Variants in PIEZO1 observed in about 807,000 individuals in gnomAD.
PIEZO1 encodes the protein piezo type mechanosensitive ion channel component 1 (Er blood group).
A neutral mutation model predicts 297.2 loss-of-function variants in PIEZO1; 296 were observed. That is an observed-to-expected ratio of 1.00 (90% CI 0.91 to 1.10). PIEZO1 has a LOEUF of 1.10. Ranked by LOEUF, PIEZO1 falls within the 50% of genes least tolerant of loss-of-function variation. The pLI, the probability that PIEZO1 is intolerant of heterozygous loss-of-function variation, is 0.00. For synonymous variants in PIEZO1, 2,427 were observed against 1,507.5 expected (o/e 1.61, Z -14.13); for missense variants, 5,018 against 3,455.5 (o/e 1.45, Z -11.34).
At position 88,767,969 on chromosome 16, in the gene PIEZO1, C is replaced by T. The variant is rs148248177; in HGVS notation, c.64+16932G>A. On this transcript the variant is annotated intron_variant, in intron 1 of 50. Coordinates refer to ENST00000301015, the MANE Select transcript of PIEZO1 (RefSeq NM_001142864.4). ...GCACATGCTTCTCCCGCTCCCTCCCCCGGGTCCAGACCCCAGGTCCCTGAG... is the reference window on the plus strand; with the variant it reads ...GCACATGCTTCTCCCGCTCCCTCCCTCGGGTCCAGACCCCAGGTCCCTGAG... 7.4e-3 allele frequency among the ~76,000 whole-genome samples: 1,120 copies of T among 152,354 alleles called. 9 individuals carry two copies. The highest frequency in any genetic ancestry group is 0.028 in the South Asian group (134 of 4,834).
In PIEZO1 at chr16:88,720,080, G is replaced by A. The variant is rs1309194763; in HGVS notation, c.6153C>T (p.Ala2051=). 1.0e-5 allele frequency: 16 copies of A among 1,550,324 alleles called. No individual in the cohort carries two copies. The highest frequency in any genetic ancestry group is 4.9e-5 in the East Asian group (2 of 40,922). The part of the protein sequence containing the change: ...IHLWMFFILP[A]VTERMFNQNV... ...ACGCGTGGGCCCACCTCTCAGTGAC[G>A]GCGGGCAGGATGAAGAACATCCATA... Residue 2051 remains alanine (A), a synonymous_variant, in exon 42 of 51, where the codon GCC becomes GCT. Coordinates refer to ENST00000301015, the MANE Select transcript of PIEZO1 (RefSeq NM_001142864.4).
intron 1 of PIEZO1, among the ~76,000 whole-genome samples, chr16:88,769,344 C>T (rs567705048): frequency 6.6e-6 from 1 of 152,216 alleles, no homozygotes; most frequent in African/African-American, 2.4e-5. Context: ...GAGGCCACCA[C>T]GCCCAGAGCA....
At chr16:88,754,745 C>T (rs947653579) in intron 1 of PIEZO1, among the ~76,000 whole-genome samples, 5 of 152,242 alleles carry the variant, frequency 3.3e-5, no homozygotes, top group African/African-American at 1.2e-4. Context: ...TGTGACCCCA[C>T]ACTGCCGGGG....
chr16:88,740,041 C>T (rs941314386), intron 5 of PIEZO1: 1 of 152,146 alleles, frequency 6.6e-6, no homozygotes, highest in Admixed American at 6.5e-5. Context: ...GTGAGGCCAC[C>T]GAGGGGCAGG....
rs375353698 is a variant in PIEZO1, at chr16:88,733,672, G to A, written c.2403C>T (p.Arg801=). The A allele has an allele frequency of 3.3e-5, 51 of 1,549,588 alleles. No individual in the cohort carries two copies. The Middle Eastern group carries it at 5.0e-4, about 15-fold the overall frequency. ...GCAGCCGCCGCAGGAACACCTGCAC[G>A]CGTGAGAGGACGTCCGAGAAGCCGG... ...LAAGFSDVLS[R]VQVFLRRLLE... is the part of the protein sequence containing the mutation. Residue 801 remains arginine, a synonymous_variant, in exon 18 of 51, where the codon CGC becomes CGT. Coordinates refer to ENST00000301015, the MANE Select transcript of PIEZO1 (RefSeq NM_001142864.4).
In PIEZO1 at chr16:88,736,423, G is replaced by A. The variant is rs111454915; in HGVS notation, c.1297-15C>T. ...ATGCTCCATACCTGCGCGGCAGAGA[G>A]GGCTGCACAGCTGCCCAGCGCACCC... On this transcript the variant is annotated splice_polypyrimidine_tract_variant and intron_variant, in intron 11 of 50. Transcript: ENST00000301015. The A allele has an allele frequency of 6.5e-6, 10 of 1,532,574 alleles. No individual in the cohort carries two copies. Among genetic ancestry groups the A allele is most frequent in the Middle Eastern group, 2.1e-4 (1 of 4,662 alleles). The allele number at this position is 1,532,574 out of a possible 1,614,324, so 94.9% of individuals were successfully genotyped here. A position where few individuals can be genotyped will look rare whatever the true frequency, so the allele number is the denominator to read the frequency against.
intron 1 of PIEZO1, among the ~76,000 whole-genome samples, chr16:88,759,607 G>A (rs1001731833): frequency 1.2e-4 from 19 of 152,232 alleles, no homozygotes; most frequent in African/African-American, 4.6e-4. Context: ...GCTCTGCCCT[G>A]CTCTGCAAGG....
At position 88,734,793 on chromosome 16, in the gene PIEZO1, G is replaced by C; in HGVS notation, c.1854C>G (p.Tyr618Ter). 1 of 1,550,316 alleles carries C rather than the reference G, an allele frequency of 6.5e-7. No individual in the cohort carries two copies. Among genetic ancestry groups the C allele is most frequent in the Non-Finnish European group, 8.7e-7 (1 of 1,146,926 alleles). ...TGAGCAGCTTCCGCCACAGGCTGTA[G>C]TAGACCTGCCGGGTGAGGTGGGGGT... is the stretch of plus-strand genomic sequence containing the variant. ...FLLCLTLFQV[Y>*]YSLWRKLLKA... The change falls in exon 15 of 51, where the codon TAC (tyrosine) becomes TAG (stop). Residue 618 changes from tyrosine (Y) to a stop codon, truncating the protein, a stop_gained. Transcript: ENST00000301015. LOFTEE classifies it high-confidence loss of function.
chr16:88,731,638 G>A (rs1304075554), intron 22 of PIEZO1, 68 bp downstream of exon 22: 43 of 1,275,372 alleles, frequency 3.4e-5, no homozygotes, highest in East Asian at 1.0e-4. Context: ...TGGGGCAGGC[G>A]GGAAACACCC....
intron 22 of PIEZO1, among the ~76,000 whole-genome samples, chr16:88,730,022 C>G (rs1212880126): frequency 6.6e-6 from 1 of 152,254 alleles, no homozygotes; most frequent in Non-Finnish European, 1.5e-5. Context: ...GGGAGCTGGC[C>G]TAGGTGACGC....
At position 88,715,669 on chromosome 16, in the gene PIEZO1, G is replaced by A. The variant is rs1037374997; in HGVS notation, c.7502C>T (p.Ala2501Val). 5.8e-6 allele frequency: 9 copies of A among 1,550,330 alleles called. No individual in the cohort carries two copies. The highest frequency in any genetic ancestry group is 2.4e-5 in the East Asian group (1 of 40,924). Reference protein sequence around the residue: ...RELELEEELYAKLIFLYRSPE... With the variant: ...RELELEEELYVKLIFLYRSPE... Reference sequence around the variant, plus strand: ...TGAGCGGTAGAGGAAGATGAGCTTGGCGTACAACTCCTCCTCCAGCTCCAG... The same window carrying A: ...TGAGCGGTAGAGGAAGATGAGCTTGACGTACAACTCCTCCTCCAGCTCCAG... The change falls in exon 51 of 51, where the codon GCC (alanine) becomes GTC (valine). Residue 2501 changes from alanine to valine, a missense_variant. Physicochemically the swap from Ala to Val is moderately conservative, Grantham distance 64. Coordinates refer to ENST00000301015, the MANE Select transcript of PIEZO1 (RefSeq NM_001142864.4).
At chr16:88,729,875 C>G (rs1904684166) in intron 22 of PIEZO1, among the ~76,000 whole-genome samples, 1 of 152,044 alleles carries the variant, frequency 6.6e-6, no homozygotes, top group African/African-American at 2.4e-5. Flanking sequence ...ACATGCTGAA[C>G]CCACAGCCCC....
chr16:88,731,855 G>C lies in PIEZO1; in HGVS notation c.3047C>G (p.Thr1016Ser), dbSNP rs1301028584. The C allele has an allele frequency of 1.4e-6, 2 of 1,429,314 alleles. No homozygotes were observed. Among genetic ancestry groups the C allele is most frequent in the African/African-American group, 4.0e-5 (2 of 49,482 alleles). 88.5% of individuals were successfully genotyped at this position (1,429,314 alleles called of 1,614,324 possible). Residue 1016 changes from threonine (T) to serine (S), a missense_variant, in exon 22 of 51, where the codon ACC (threonine) becomes AGC (serine). By Grantham distance (58) the Thr-to-Ser change is moderately conservative (BLOSUM62 1). Coordinates refer to ENST00000301015, the MANE Select transcript of PIEZO1 (RefSeq NM_001142864.4). ...VIGQRMNFLV[T>S]LHGCWLVAIL... ...GGCCACCAGCCAGCAACCGTGCAGGGTCACCAGAAAGTTCATGCGCTGCCC... is the reference window on the plus strand; with the variant it reads ...GGCCACCAGCCAGCAACCGTGCAGGCTCACCAGAAAGTTCATGCGCTGCCC...
chr16:88,760,850 A>G (rs1374506807), intron 1 of PIEZO1, among the ~76,000 whole-genome samples: 3 of 152,262 alleles, frequency 2.0e-5, no homozygotes, highest in Non-Finnish European at 4.4e-5. Context: ...GAGCTTCTGG[A>G]CCATTTAATT....
At chr16:88,767,372 G>T (rs1392274175) in intron 1 of PIEZO1, among the ~76,000 whole-genome samples, 1 of 152,108 alleles carries the variant, frequency 6.6e-6, no homozygotes, top group Non-Finnish European at 1.5e-5. Context: ...ACAAAAACAG[G>T]CCCCCACAGC....
intron 44 of PIEZO1, chr16:88,719,176 G>A (rs560650932): frequency 7.2e-4 from 158 of 219,950 alleles, no homozygotes; most frequent in African/African-American, 3.5e-3. Flanking sequence ...GTGGTGAGAA[G>A]GCAGATGCTC....
chr16:88,727,028 G>T lies in PIEZO1; in HGVS notation c.3455+11C>A. The T allele has an allele frequency of 6.5e-7, 1 of 1,548,198 alleles. No homozygotes were observed. Among genetic ancestry groups the T allele is most frequent in the Non-Finnish European group, 8.7e-7 (1 of 1,145,146 alleles). ...CAGAAGGTTCCCCGTGGAGGGTGAC[G>T]TGGAACCCACCTGCAGTGGATAAAG... On this transcript the variant is annotated intron_variant, in intron 24 of 50. Transcript: ENST00000301015.
chr16:88,770,563 C>G (rs1191083510), intron 1 of PIEZO1, among the ~76,000 whole-genome samples: 1 of 152,218 alleles, frequency 6.6e-6, no homozygotes, highest in Non-Finnish European at 1.5e-5. Flanking sequence ...AGTGCGGGGG[C>G]CCCGCCATGG....
chr16:88,715,399 C>T lies in PIEZO1; in HGVS notation c.*206G>A, dbSNP rs543807946. 4.0e-5 allele frequency: 40 copies of T among 1,003,916 alleles called. No homozygotes were observed. Among genetic ancestry groups the T allele is most frequent in the South Asian group, 5.0e-5 (3 of 60,484 alleles). The allele number at this position is 1,003,916 out of a possible 1,614,324, so 62.2% of individuals were successfully genotyped here. ...ATTAAAAAAAAAACTCTACAGTACA[C>T]GTGGGGGACGGCAGCGCCACGCAGG... On this transcript the variant is annotated 3_prime_UTR_variant, in exon 51 of 51. Coordinates refer to ENST00000301015, the MANE Select transcript of PIEZO1 (RefSeq NM_001142864.4).
Sources: allele counts gnomAD v4.1 joint callset (sites outside exome capture counted in the v4.1 genomes callset), GRCh38; gene constraint gnomAD v4.1.1; transcripts MANE v1.5; gene names NCBI Gene and HGNC (gene_info 2026-07-23, HGNC 2026-07-21).